ZMYM4: variants seen among roughly 807,000 people sequenced by gnomAD.
ZMYM4 encodes the protein zinc finger MYM-type containing 4, also known as zinc finger MYM-type protein 4.
In ZMYM4, 31 loss-of-function variants were observed where a neutral mutation model predicts 183.2. The observed-to-expected ratio is 0.17, with a 90% CI of 0.13 to 0.23. ZMYM4 has a LOEUF of 0.23. Ranked by LOEUF, ZMYM4 falls within the 10% of genes least tolerant of loss-of-function variation. The pLI, the probability that ZMYM4 is intolerant of heterozygous loss-of-function variation, is 1.00. For synonymous variants in ZMYM4, 592 were observed against 631.2 expected, an observed-to-expected ratio of 0.94 and a Z score of 0.93; for missense variants, 1,273 against 1,840.3, an observed-to-expected ratio of 0.69 and a Z score of 5.64.
At chr1:35,345,380 A>G (rs1049150520) in intron 2 of ZMYM4, among the ~76,000 whole-genome samples, 1 of 151,814 alleles carries the variant, frequency 6.6e-6, no homozygotes. Flanking sequence ...GTTTATTTTT[A>G]ATTTCTATGA....
chr1:35,268,763 T>C lies in ZMYM4; in HGVS notation c.-284T>C, dbSNP rs1639431176. ...GCGGAGGAATTTCTCTGAGAGAAAA[T>C]AATCCTACTCACGGGGCCCCTTGGA... On this transcript the variant is annotated 5_prime_UTR_variant, in exon 1 of 30. Coordinates refer to ENST00000314607, the MANE Select transcript of ZMYM4 (RefSeq NM_005095.3). Among the ~76,000 whole-genome samples the C allele has an allele frequency of 6.6e-6, 1 of 152,140 alleles. No homozygotes were observed.
chr1:35,287,605 A>AT (rs1174958494), intron 1 of ZMYM4, among the ~76,000 whole-genome samples: 1 of 150,190 alleles, frequency 6.7e-6, no homozygotes, highest in African/African-American at 2.5e-5. Context: ...TTTTATTTTT[A>AT]TTTTATTTTA....
intron 1 of ZMYM4, among the ~76,000 whole-genome samples, chr1:35,315,002 A>G (rs1304351728): frequency 6.6e-6 from 1 of 151,848 alleles, no homozygotes; most frequent in Non-Finnish European, 1.5e-5. Flanking sequence ...TCCATGGGTG[A>G]CAAGAGCAAG....
chr1:35,357,818 A>G (rs1349745268), intron 2 of ZMYM4, among the ~76,000 whole-genome samples: 2 of 152,228 alleles, frequency 1.3e-5, no homozygotes, highest in African/African-American at 4.8e-5. Context: ...GTGCTTAGGA[A>G]GTCAGTAGCA....
intron 2 of ZMYM4, among the ~76,000 whole-genome samples, chr1:35,358,014 G>T (rs916887974): frequency 6.6e-6 from 1 of 152,178 alleles, no homozygotes; most frequent in Admixed American, 6.5e-5. Flanking sequence ...TTTTATCCAT[G>T]AGGGATATGC....
chr1:35,360,396 C>T (rs1643909966), intron 3 of ZMYM4, among the ~76,000 whole-genome samples: 1 of 152,014 alleles, frequency 6.6e-6, no homozygotes, highest in African/African-American at 2.4e-5. Context: ...TGAAGGAAAG[C>T]AAGTATTCTA....
At chr1:35,412,522 G>A (rs753367491) in intron 26 of ZMYM4, among the ~76,000 whole-genome samples, 8 of 151,974 alleles carry the variant, frequency 5.3e-5, no homozygotes, top group Non-Finnish European at 7.3e-5. Flanking sequence ...TGTATGTTGC[G>A]TTATATGTAC....
intron 26 of ZMYM4, among the ~76,000 whole-genome samples, chr1:35,409,972 A>G (rs1306227558): frequency 6.6e-6 from 1 of 151,922 alleles, no homozygotes; most frequent in Non-Finnish European, 1.5e-5. Context: ...ATGCAGAATC[A>G]TGGCTTATGG....
At chr1:35,415,147 A>G (rs1006229105) in intron 27 of ZMYM4, among the ~76,000 whole-genome samples, 1 of 152,208 alleles carries the variant, frequency 6.6e-6, no homozygotes, top group Non-Finnish European at 1.5e-5. Context: ...TTCTACAGCA[A>G]CAGCGTTGTT....
At chr1:35,369,481 T>A (rs1344502566) in intron 5 of ZMYM4, among the ~76,000 whole-genome samples, 1 of 152,090 alleles carries the variant, frequency 6.6e-6, no homozygotes, top group Non-Finnish European at 1.5e-5. Flanking sequence ...TTTGGAGTAA[T>A]ATATACTAAT....
chr1:35,412,443 A>T (rs1286274184), intron 26 of ZMYM4, among the ~76,000 whole-genome samples: 1 of 152,128 alleles, frequency 6.6e-6, no homozygotes, highest in Non-Finnish European at 1.5e-5. Flanking sequence ...TACAGTGTTG[A>T]CGAAGAATGG....
intron 2 of ZMYM4, among the ~76,000 whole-genome samples, chr1:35,337,180 G>T (rs1329365431): frequency 2.0e-5 from 3 of 152,044 alleles, no homozygotes; most frequent in Admixed American, 6.6e-5. Flanking sequence ...CCAACATGGT[G>T]AAACCCCATC....
intron 2 of ZMYM4, chr1:35,351,526 A>G: frequency 1.6e-6 from 2 of 1,284,180 alleles, no homozygotes; most frequent in South Asian, 1.2e-5. Context: ...ATCCCAAAAT[A>G]TCCCTTGCTC....
At position 35,392,204 on chromosome 1, in the gene ZMYM4, T is replaced by G. The variant is rs1296264145; in HGVS notation, c.2588-8T>G. 1.5e-5 allele frequency: 25 copies of G among 1,614,074 alleles called. No individual in the cohort carries two copies. Among genetic ancestry groups the G allele is most frequent in the African/African-American group, 2.7e-5 (2 of 74,946 alleles). On this transcript the variant is annotated splice_region_variant and splice_polypyrimidine_tract_variant and intron_variant, in intron 15 of 29. Transcript: ENST00000314607. ...TGAGGTTTCCTTATTTTTGTTTATT[T>G]TAATCAGCAAATATTTCCATGGTTC...
At position 35,416,591 on chromosome 1, in the gene ZMYM4, TCTCA is replaced by T. The variant is rs1236396076; in HGVS notation, c.4309+881_4309+884del. Among the ~76,000 whole-genome samples, 3 of 152,164 alleles carry T rather than the reference TCTCA, an allele frequency of 2.0e-5. No individual in the cohort carries two copies. In the East Asian group the frequency reaches 5.8e-4, roughly 29 times the overall value. ...TTTATTTATTTATTTTGAGATGAAG[TCTCA>T]CTCTGTCACCCAGGTTGGAGTGCAG... On this transcript the variant is annotated intron_variant, in intron 28 of 29. Coordinates refer to ENST00000314607, the MANE Select transcript of ZMYM4 (RefSeq NM_005095.3).
chr1:35,398,725 C>T (rs918992115), intron 21 of ZMYM4, 139 bp from the exon 22 acceptor site: 80 of 878,862 alleles, frequency 9.1e-5, no homozygotes, highest in Non-Finnish European at 1.3e-4. Context: ...AACAAGTTAC[C>T]TCATTCTTGA....
At chr1:35,333,129 TA>T (rs898776685) in intron 2 of ZMYM4, among the ~76,000 whole-genome samples, 12 of 152,204 alleles carry the variant, frequency 7.9e-5, no homozygotes, top group Non-Finnish European at 1.3e-4. Flanking sequence ...AATACCCTGT[TA>T]AAAAATATTC....
At chr1:35,396,715 C>T in intron 19 of ZMYM4, 45 bp downstream of exon 19, 1 of 1,597,274 alleles carries the variant, frequency 6.3e-7, no homozygotes, top group African/African-American at 1.3e-5. Flanking sequence ...CATGCATTTT[C>T]CTCAATTAAA....
chr1:35,327,061 A>T (rs1053326669), intron 2 of ZMYM4, among the ~76,000 whole-genome samples: 1 of 152,242 alleles, frequency 6.6e-6, no homozygotes, highest in Admixed American at 6.5e-5. Flanking sequence ...GGGTTTTACC[A>T]TGTTGGCCAG....
Sources: allele counts gnomAD v4.1 joint callset (sites outside exome capture counted in the v4.1 genomes callset), GRCh38; gene constraint gnomAD v4.1.1; transcripts MANE v1.5; gene names NCBI Gene and HGNC (gene_info 2026-07-23, HGNC 2026-07-21).